The following IMPA2 variants were observed in gnomAD, a reference collection of about 807,000 sequenced individuals.
IMPA2 encodes the protein inositol monophosphatase 2.
IMPA2 carries 32 observed loss-of-function variants against 35.1 expected under a neutral mutation model. That is an observed-to-expected ratio of 0.91 (90% CI 0.69 to 1.23). The LOEUF is 1.23. Among genes scored for constraint, IMPA2 ranks in the 50% most tolerant of loss-of-function variants. IMPA2 has a pLI of 0.00. For missense variants in IMPA2, 334 were observed against 387.6 expected (o/e 0.86, Z 1.16); for synonymous variants, 135 against 160.6 (o/e 0.84, Z 1.20).
At chr18:11,992,547 C>G (rs3859296) in intron 1 of IMPA2, among the ~76,000 whole-genome samples, 40,231 of 152,096 alleles carry the variant, frequency 0.26, 6,103 homozygotes, top group East Asian at 0.6. Flanking sequence ...TGATGGTGAC[C>G]TTTCCTTTTA....
chr18:12,016,198 T>G (rs1907573903), intron 5 of IMPA2, among the ~76,000 whole-genome samples: 1 of 152,220 alleles, frequency 6.6e-6, no homozygotes, highest in Non-Finnish European at 1.5e-5. Context: ...AGTACCTGTC[T>G]CACAATGCTA....
intron 1 of IMPA2, among the ~76,000 whole-genome samples, chr18:11,989,599 A>G (rs1906757593): frequency 6.6e-6 from 1 of 151,902 alleles, no homozygotes; most frequent in African/African-American, 2.4e-5. Context: ...ATCATTTCCT[A>G]CCCATTTTGC....
chr18:11,985,214 T>C (rs1053935014), intron 1 of IMPA2, among the ~76,000 whole-genome samples: 22 of 151,116 alleles, frequency 1.5e-4, no homozygotes, highest in Non-Finnish European at 2.1e-4. Flanking sequence ...ATAAAAGTTA[T>C]TTAGAATAAG....
intron 5 of IMPA2, among the ~76,000 whole-genome samples, chr18:12,022,567 G>T (rs1196484179): frequency 6.5e-5 from 7 of 108,322 alleles, no homozygotes; most frequent in African/African-American, 1.8e-4. Context: ...TTGTGTGTGT[G>T]TGTGCGTTTA....
chr18:12,026,510 T>C (rs535615191), intron 5 of IMPA2, among the ~76,000 whole-genome samples: 1 of 152,332 alleles, frequency 6.6e-6, no homozygotes, highest in Non-Finnish European at 1.5e-5. Flanking sequence ...ACTCCAATCC[T>C]ACCTTCTTGA....
At chr18:11,981,798 C>G in intron 1 of IMPA2, 33 bp downstream of exon 1, 2 of 1,206,470 alleles carry the variant, frequency 1.7e-6, no homozygotes, top group Non-Finnish European at 2.1e-6. Flanking sequence ...GAAGTCCGGG[C>G]GGAGCAGAAG....
At chr18:12,029,515 A>ACG (rs1907987553) in intron 7 of IMPA2, among the ~76,000 whole-genome samples, 1 of 151,202 alleles carries the variant, frequency 6.6e-6, no homozygotes, top group African/African-American at 2.4e-5. Flanking sequence ...TCCGCCTTCC[A>ACG]GGTTCAAGCA....
At chr18:11,984,809 A>C (rs939148501) in intron 1 of IMPA2, among the ~76,000 whole-genome samples, 14 of 151,204 alleles carry the variant, frequency 9.3e-5, no homozygotes, top group African/African-American at 3.4e-4. Context: ...CTACTAAAAA[A>C]TACAAAAAAT....
chr18:11,993,166 G>A (rs1226644107), intron 1 of IMPA2, among the ~76,000 whole-genome samples: 3 of 152,170 alleles, frequency 2.0e-5, no homozygotes, highest in Non-Finnish European at 4.4e-5. Flanking sequence ...ACAACCCAAT[G>A]TGTTAGATAC....
intron 1 of IMPA2, among the ~76,000 whole-genome samples, chr18:11,986,885 C>T (rs545144859): frequency 1.9e-4 from 29 of 152,332 alleles, no homozygotes; most frequent in African/African-American, 4.6e-4. Context: ...TGTCCATGTT[C>T]GGATGGCCAT....
intron 1 of IMPA2, among the ~76,000 whole-genome samples, chr18:11,993,438 C>G (rs951892054): frequency 6.6e-6 from 1 of 152,196 alleles, no homozygotes; most frequent in East Asian, 1.9e-4. Context: ...GGCGCAGCCC[C>G]CATGTGTGCA....
chr18:12,013,342 C>T (rs1488901819), intron 4 of IMPA2, among the ~76,000 whole-genome samples: 5 of 152,114 alleles, frequency 3.3e-5, no homozygotes, highest in Admixed American at 6.6e-5. Context: ...GCCAGGGTAC[C>T]GGAAGGGGAA....
rs780922526 is a variant in IMPA2 at position 12,028,992 on chromosome 18, G to A, written c.750G>A (p.Ser250=). Residue 250 remains serine (S), a splice_region_variant and synonymous_variant, in exon 7 of 8, where the codon TCG becomes TCA. Coordinates refer to ENST00000269159, the MANE Select transcript of IMPA2 (RefSeq NM_014214.3). ...CAGGCGGCATCGTGATAGACACTTC[G>A]GGTGAGCTCTCCTGTCCCTGAAATG... The part of the protein sequence containing the change: ...REAGGIVIDT[S]GGPLDLMACR... 44 of 1,612,586 alleles carry A rather than the reference G, an allele frequency of 2.7e-5. 1 individual carries two copies. Among genetic ancestry groups the A allele is most frequent in the South Asian group, 1.9e-4 (17 of 91,038 alleles).
rs1907409770 is a variant in IMPA2, at chr18:12,010,691, T to C, written c.335+704T>C. On this transcript the variant is annotated intron_variant, in intron 3 of 7. Coordinates refer to ENST00000269159, the MANE Select transcript of IMPA2 (RefSeq NM_014214.3). This position sits in a 1 kb window ranked among gnomAD's most constrained non-coding sequence, Gnocchi z 4.8. Reference sequence around the variant, plus strand: ...GAACCCTGGAGAGATTCCCATTCCATGGGCGGGTGGCTTGCAGCTCCTGCG... The same window carrying C: ...GAACCCTGGAGAGATTCCCATTCCACGGGCGGGTGGCTTGCAGCTCCTGCG... Among the ~76,000 whole-genome samples, 1 of 152,112 alleles carries C rather than the reference T, an allele frequency of 6.6e-6. No individual in the cohort carries two copies. The highest frequency in any genetic ancestry group is 2.4e-5 in the African/African-American group (1 of 41,430).
intron 5 of IMPA2, among the ~76,000 whole-genome samples, chr18:12,020,605 C>T (rs911299177): frequency 2.0e-5 from 3 of 151,980 alleles, no homozygotes; most frequent in South Asian, 2.1e-4. Context: ...GTATGTTGGG[C>T]TTTCACTATC....
chr18:12,011,174 G>A (rs1201217698), intron 3 of IMPA2, among the ~76,000 whole-genome samples: 1 of 152,216 alleles, frequency 6.6e-6, no homozygotes, highest in Admixed American at 6.5e-5. Context: ...GTGCTTTCCT[G>A]TCTGCACCCC....
At chr18:12,018,320 CCT>C (rs1907638181) in intron 5 of IMPA2, 1 of 152,322 alleles carries the variant, frequency 6.6e-6, no homozygotes, top group Non-Finnish European at 1.5e-5. Flanking sequence ...TGGGTCATGT[CCT>C]CTCTCTGTCA....
intron 1 of IMPA2, among the ~76,000 whole-genome samples, chr18:11,986,431 C>T (rs922206345): frequency 1.1e-4 from 16 of 152,170 alleles, no homozygotes; most frequent in African/African-American, 3.6e-4. Flanking sequence ...TGAGCTGGCA[C>T]TCCTCATGAC....
At chr18:11,987,543 C>T (rs1906700893) in intron 1 of IMPA2, among the ~76,000 whole-genome samples, 1 of 152,138 alleles carries the variant, frequency 6.6e-6, no homozygotes, top group South Asian at 2.1e-4. Flanking sequence ...ATTGGCCAGG[C>T]TGATCTAGAA....
Sources: allele counts gnomAD v4.1 joint callset (sites outside exome capture counted in the v4.1 genomes callset), GRCh38; gene constraint gnomAD v4.1.1; non-coding constraint Gnocchi (gnomAD v3.1); transcripts MANE v1.5; gene names NCBI Gene and HGNC (gene_info 2026-07-23, HGNC 2026-07-21).